Variants in PTPRA observed in about 807,000 individuals in gnomAD.
The protein encoded by PTPRA is receptor-type tyrosine-protein phosphatase alpha.
In PTPRA, 25 loss-of-function variants were observed where a neutral mutation model predicts 104.8. The observed-to-expected ratio is 0.24, with a 90% confidence interval of 0.17 to 0.33. The LOEUF is 0.33. Ranked by LOEUF, PTPRA falls within the 10% of genes least tolerant of loss-of-function variation. The probability of loss-of-function intolerance (pLI) is 1.00; values close to 1 mark genes in which losing one functional copy is unlikely to be tolerated. For missense variants in PTPRA, 765 were observed against 1,015.3 expected (o/e 0.75, Z 3.35); for synonymous variants, 323 against 368.9 (o/e 0.88, Z 1.43).
intron 2 of PTPRA, among the ~76,000 whole-genome samples, chr20:2,946,631 C>T (rs149278385): frequency 0.066 from 10,018 of 152,148 alleles, 442 homozygotes; most frequent in Non-Finnish European, 0.1. Flanking sequence ...AGGCGGATCA[C>T]AAGGTCAGGA....
rs964883986 is a variant in PTPRA, at chr20:2,988,258, A to G, written c.602-80A>G. On this transcript the variant is annotated intron_variant, in intron 8 of 23. Transcript: ENST00000399903. The stretch of plus-strand genomic sequence containing the variant: ...CTAGTTCTTACAGGCTTGGTCCATG[A>G]GGTAGAACCCCGTTTAGCCTCCAGA... 5.8e-6 allele frequency: 9 copies of G among 1,552,266 alleles called. No homozygotes were observed. In the African/African-American group the frequency reaches 6.9e-5, roughly 12 times the overall value.
In PTPRA at chr20:2,881,766, C is replaced by T. The variant is rs141920923; in HGVS notation, c.-129+8006C>T. Among the ~76,000 whole-genome samples the T allele has an allele frequency of 6.1e-3, 926 of 152,226 alleles. 12 individuals are homozygous for T. Among genetic ancestry groups the T allele is most frequent in the Admixed American group, 0.03 (453 of 15,288 alleles). On this transcript the variant is annotated intron_variant, in intron 1 of 23. Coordinates refer to ENST00000399903, the MANE Select transcript of PTPRA (RefSeq NM_001385305.1). ...ATGTAATCCCAGCACTTTGGGAGGC[C>T]GAAGTGGACGGATCACTTGAGGTCA...
At chr20:2,959,764 A>G (rs1429090149) in intron 3 of PTPRA, among the ~76,000 whole-genome samples, 1 of 152,100 alleles carries the variant, frequency 6.6e-6, no homozygotes, top group East Asian at 1.9e-4. Context: ...CAGCCTGGCC[A>G]ATATGATGAA....
At chr20:2,879,749 TACTC>T (rs1447479685) in intron 1 of PTPRA, among the ~76,000 whole-genome samples, 3 of 152,186 alleles carry the variant, frequency 2.0e-5, no homozygotes, top group South Asian at 2.1e-4. Context: ...AATACACAAA[TACTC>T]ACTGTGTTAG....
chr20:2,916,958 T>TA (rs1290163404), intron 1 of PTPRA, among the ~76,000 whole-genome samples: 7 of 99,012 alleles, frequency 7.1e-5, no homozygotes, highest in Non-Finnish European at 1.4e-4. Flanking sequence ...TTTTTTTATT[T>TA]CTTTTTTTTT....
chr20:2,965,421 T>C (rs947041188), intron 5 of PTPRA, among the ~76,000 whole-genome samples: 1 of 152,026 alleles, frequency 6.6e-6, no homozygotes, highest in African/African-American at 2.4e-5. Flanking sequence ...CCTGGTTAGA[T>C]TGAGAGGACT....
chr20:3,026,422 T>C (rs933405583), intron 17 of PTPRA, among the ~76,000 whole-genome samples: 8 of 152,160 alleles, frequency 5.3e-5, no homozygotes, highest in Non-Finnish European at 1.0e-4. Context: ...CCTCCTACGA[T>C]GCTGGAATCC....
Position 2,989,995 on chromosome 20 carries a change from C to T in PTPRA, c.738+1521C>T, listed in dbSNP as rs529693030. Among the ~76,000 whole-genome samples the T allele has an allele frequency of 7.2e-5, 11 of 152,180 alleles. No individual in the cohort carries two copies. In the South Asian group the frequency reaches 1.9e-3, roughly 26 times the overall value. ...TCATGCTACTGCACTGCAGCCTGGG[C>T]AACAGAGGGAGACCCCATCTCAAAA... On this transcript the variant is annotated intron_variant, in intron 9 of 23. Transcript: ENST00000399903.
At chr20:2,970,471 T>G (rs1161412141) in intron 5 of PTPRA, among the ~76,000 whole-genome samples, 1 of 152,218 alleles carries the variant, frequency 6.6e-6, no homozygotes, top group Non-Finnish European at 1.5e-5. Flanking sequence ...GATTGAGCAA[T>G]TTTGTGTAAT....
At position 2,997,987 on chromosome 20, in the gene PTPRA, G is replaced by A. The variant is rs181642267; in HGVS notation, c.739-7069G>A. On this transcript the variant is annotated intron_variant, in intron 9 of 23. Transcript: ENST00000399903. ...CAAAACAATTTTTTTTAATTAGCCA[G>A]GCGTGATGGCACATGCCTGTAGTTC... is the stretch of plus-strand genomic sequence containing the variant. Among the ~76,000 whole-genome samples, 858 of 152,228 alleles carry A rather than the reference G, an allele frequency of 5.6e-3. 8 individuals carry two copies. Among genetic ancestry groups the A allele is most frequent in the African/African-American group, 0.019 (795 of 41,546 alleles).
In PTPRA at chr20:2,993,089, A is replaced by G. The variant is rs79698250; in HGVS notation, c.738+4615A>G. ...ACAGAGCAAGATCTTGTCTCTATGT[A>G]GGTAGGTAGGTAGATTGATTGATTG... On this transcript the variant is annotated intron_variant, in intron 9 of 23. Transcript: ENST00000399903. 3.3e-4 allele frequency among the ~76,000 whole-genome samples: 50 copies of G among 150,226 alleles called. 1 individual carries two copies. The East Asian group carries it at 9.9e-3, about 30-fold the overall frequency.
intron 1 of PTPRA, among the ~76,000 whole-genome samples, chr20:2,879,260 C>T (rs942088925): frequency 2.0e-5 from 3 of 152,190 alleles, no homozygotes; most frequent in Admixed American, 6.5e-5. Context: ...GGCAGCGCTT[C>T]GCTAACTTGA....
At chr20:3,030,664 T>G (rs1476090587) in intron 20 of PTPRA, among the ~76,000 whole-genome samples, 1 of 150,146 alleles carries the variant, frequency 6.7e-6, no homozygotes, top group African/African-American at 2.5e-5. Context: ...AATTTTTAAT[T>G]ATCTCCCTCT....
rs1175830423 is a variant in PTPRA at position 3,022,146 on chromosome 20, C to T, written c.1254C>T (p.Ile418=). The change falls in exon 15 of 24, where the codon ATC becomes ATT. Residue 418 remains isoleucine (I), a synonymous_variant. Coordinates refer to ENST00000399903, the MANE Select transcript of PTPRA (RefSeq NM_001385305.1). This position sits in a 1 kb window ranked among gnomAD's most constrained non-coding sequence, Gnocchi z 4.6. ...WPDFGVPFTP[I]GMLKFLKKVK... is the part of the protein sequence containing the mutation. ...ACTTTGGGGTGCCTTTTACCCCGATCGGCATGCTCAAGTTCCTCAAGAAGG... is the reference window on the plus strand; with the variant it reads ...ACTTTGGGGTGCCTTTTACCCCGATTGGCATGCTCAAGTTCCTCAAGAAGG... 7 of 1,614,220 alleles carry T rather than the reference C, an allele frequency of 4.3e-6. No homozygotes were observed. The highest frequency in any genetic ancestry group is 2.2e-5 in the East Asian group (1 of 44,884).
At chr20:2,894,127 C>A (rs1023803744) in intron 1 of PTPRA, among the ~76,000 whole-genome samples, 1 of 152,094 alleles carries the variant, frequency 6.6e-6, no homozygotes, top group African/African-American at 2.4e-5. Flanking sequence ...TATAATCAAA[C>A]AGCAGAATAA....
chr20:2,937,473 A>G (rs1270836772), intron 2 of PTPRA, among the ~76,000 whole-genome samples: 2 of 152,190 alleles, frequency 1.3e-5, no homozygotes, highest in Non-Finnish European at 2.9e-5. Context: ...TCTACATACA[A>G]GGAGAACCAC....
At chr20:2,921,891 T>C (rs1392089727) in intron 1 of PTPRA, among the ~76,000 whole-genome samples, 1 of 152,196 alleles carries the variant, frequency 6.6e-6, no homozygotes, top group Admixed American at 6.5e-5. Flanking sequence ...TGACTAGAGA[T>C]AGATCTTTGA....
At chr20:3,017,435 C>T (rs950480416) in intron 12 of PTPRA, among the ~76,000 whole-genome samples, 1 of 152,196 alleles carries the variant, frequency 6.6e-6, no homozygotes, top group Non-Finnish European at 1.5e-5. Flanking sequence ...GGGCTGATGA[C>T]ACCCACCTCA....
chr20:2,985,189 A>G (rs895004516), intron 6 of PTPRA, among the ~76,000 whole-genome samples: 3 of 152,248 alleles, frequency 2.0e-5, no homozygotes, highest in African/African-American at 7.2e-5. Flanking sequence ...ATTTGGCAAT[A>G]TGCCATTTGT....
Sources: gnomAD v4.1 joint callset for allele counts (sites outside exome capture counted in the v4.1 genomes callset) on GRCh38, gnomAD v4.1.1 for gene constraint, Gnocchi (gnomAD v3.1) non-coding constraint, MANE v1.5 for transcripts, NCBI Gene and HGNC (gene_info 2026-07-23, HGNC 2026-07-21) for gene names.